The following C12orf76 variants were observed in gnomAD, a reference collection of about 807,000 sequenced individuals.
C12orf76 encodes the protein chromosome 12 open reading frame 76.
C12orf76 carries 6 observed loss-of-function variants against 6.8 expected under a neutral mutation model. That is an observed-to-expected ratio of 0.88 (90% CI 0.48 to 1.73). The LOEUF is 1.73. Ranked by LOEUF, C12orf76 falls within the 40% of genes most tolerant of loss-of-function variation. C12orf76 has a pLI of 0.01. For synonymous variants in C12orf76, 56 were observed against 43.7 expected (o/e 1.28, Z -1.11); for missense variants, 99 against 98.2 (o/e 1.01, Z -0.03).
At position 110,043,371 on chromosome 12, in the gene C12orf76, C is replaced by CG. The variant is rs1272553133; in HGVS notation, c.134-913dup. ...AAGGAATGACATCATCTGATTTAGT[C>CG]GGAAAAAAAAAAAAAGATTCCTCTG... On this transcript the variant is annotated intron_variant, in intron 1 of 1. Transcript: ENST00000615315. 5.2e-5 allele frequency among the ~76,000 whole-genome samples: 7 copies of CG among 133,944 alleles called. No homozygotes were observed. In the South Asian group the frequency reaches 9.1e-4, roughly 18 times the overall value. The allele number at this position is 133,944 out of a possible 152,430, so 87.9% of individuals were successfully genotyped here.
At chr12:110,061,540 T>TC (rs1429355281) in intron 2 of C12orf76, among the ~76,000 whole-genome samples, 1 of 151,816 alleles carries the variant, frequency 6.6e-6, no homozygotes, top group Non-Finnish European at 1.5e-5. Context: ...GCATACTTTT[T>TC]TTTTTTTTTT....
chr12:110,047,041 G>A (rs996082791), intron 1 of C12orf76, among the ~76,000 whole-genome samples: 5 of 152,120 alleles, frequency 3.3e-5, no homozygotes, highest in Admixed American at 6.6e-5. Flanking sequence ...ACAGTAAGTC[G>A]TCAACACATG....
chr12:110,057,022 G>A (rs1475841636), intron 4 of C12orf76: 6 of 616,042 alleles, frequency 9.7e-6, no homozygotes, highest in Non-Finnish European at 1.5e-5. Flanking sequence ...ATGAGGAGGA[G>A]CCCTGGAGTG....
intron 2 of C12orf76, among the ~76,000 whole-genome samples, chr12:110,060,202 T>C (rs1047184393): frequency 1.3e-5 from 2 of 152,120 alleles, no homozygotes; most frequent in Non-Finnish European, 2.9e-5. Flanking sequence ...CTCCAGCCTG[T>C]GCAACAAGAG....
chr12:110,069,130 C>CGGCA (rs1168767814), upstream of C12orf76, among the ~76,000 whole-genome samples: 1 of 152,144 alleles, frequency 6.6e-6, no homozygotes, highest in African/African-American at 2.4e-5. Context: ...CTTCTAAAGA[C>CGGCA]GGCACTTCAG....
chr12:110,057,081 G>A (rs890929843), intron 4 of C12orf76: 10 of 724,856 alleles, frequency 1.4e-5, no homozygotes, highest in African/African-American at 1.7e-5. Context: ...GAACCCTCAG[G>A]CTGCTTGTGC....
chr12:110,051,431 T>C, upstream of C12orf76: 1 of 602,218 alleles, frequency 1.7e-6, no homozygotes, highest in Non-Finnish European at 3.0e-6. Context: ...GCCCCCAATC[T>C]CATTTTTTTT....
chr12:110,043,697 CA>C (rs908138002), intron 1 of C12orf76, among the ~76,000 whole-genome samples: 33 of 151,340 alleles, frequency 2.2e-4, no homozygotes, highest in African/African-American at 7.8e-4. Context: ...ACTAAAAATA[CA>C]AAAAAAATTA....
chr12:110,065,747 A>T, intron 2 of C12orf76: 1 of 1,575,904 alleles, frequency 6.3e-7, no homozygotes, highest in Admixed American at 1.7e-5. Context: ...CATGAGTCAG[A>T]TGGTTTCACT....
chr12:110,061,083 C>CAAAA (rs34382276), intron 2 of C12orf76, among the ~76,000 whole-genome samples: 1 of 84,290 alleles, frequency 1.2e-5, no homozygotes, highest in Non-Finnish European at 2.5e-5. Context: ...GACTCTGACT[C>CAAAA]AAAAAAAAAA....
upstream of C12orf76, chr12:110,048,691 C>A: frequency 8.0e-7 from 1 of 1,243,616 alleles, no homozygotes; most frequent in East Asian, 3.2e-5. Flanking sequence ...TAATGTTTCC[C>A]CCGGACCAAC....
intron 2 of C12orf76, among the ~76,000 whole-genome samples, chr12:110,061,044 G>A (rs1892762654): frequency 1.4e-5 from 2 of 145,986 alleles, no homozygotes; most frequent in Non-Finnish European, 3.0e-5. Context: ...AGTAATTCAT[G>A]CAGAGCCAGC....
Position 110,054,724 on chromosome 12 carries a change from T to A in C12orf76, n.664+2465A>T, listed in dbSNP as rs1738282180. ...CTTCACCCCAATAAAAAAGTAAAAA[T>A]TATATTTTTTACATATGTAGACATA... On this transcript the variant is annotated intron_variant and non_coding_transcript_variant, in intron 4 of 4. Transcript: ENST00000309050. The surrounding 1 kb of genome is among the most constrained non-coding windows in gnomAD (Gnocchi z 4.4). Among the ~76,000 whole-genome samples, 1 of 152,260 alleles carries A rather than the reference T, an allele frequency of 6.6e-6. No homozygotes were observed. The highest frequency in any genetic ancestry group is 2.4e-5 in the African/African-American group (1 of 41,474).
intron 1 of C12orf76, 120 bp downstream of exon 1, chr12:110,048,243 C>G: frequency 1.6e-6 from 2 of 1,267,274 alleles, no homozygotes; most frequent in Non-Finnish European, 2.1e-6. Context: ...ACCTGCACCC[C>G]CCGCACTCAC....
At chr12:110,053,651 A>C (rs1892621191), upstream of C12orf76, among the ~76,000 whole-genome samples, 1 of 152,228 alleles carries the variant, frequency 6.6e-6, no homozygotes, top group Non-Finnish European at 1.5e-5. Flanking sequence ...ACTCTTATAT[A>C]TGTGCCCTAG....
upstream of C12orf76, among the ~76,000 whole-genome samples, chr12:110,052,546 G>A (rs1250589781): frequency 6.6e-6 from 1 of 152,130 alleles, no homozygotes; most frequent in Non-Finnish European, 1.5e-5. Flanking sequence ...TGCTCTACAT[G>A]CAACATCCCC....
upstream of C12orf76, among the ~76,000 whole-genome samples, chr12:110,070,457 T>C (rs566072657): frequency 1.6e-4 from 25 of 151,984 alleles, no homozygotes; most frequent in African/African-American, 5.8e-4. Context: ...TCCCAGCTAC[T>C]TGGGAGGATG....
At chr12:110,048,624 C>T (rs562806738), upstream of C12orf76, 17 of 1,306,860 alleles carry the variant, frequency 1.3e-5, no homozygotes, top group African/African-American at 1.8e-4. Flanking sequence ...ACTGTGCGTC[C>T]TGGTCTAAGT....
chr12:110,065,060 G>A (rs1566078978), intron 2 of C12orf76, among the ~76,000 whole-genome samples: 1 of 152,014 alleles, frequency 6.6e-6, no homozygotes, highest in Admixed American at 6.6e-5. Context: ...GAAGATAGAT[G>A]GTAGTAGGCG....
Sources: gnomAD v4.1 joint callset for allele counts (sites outside exome capture counted in the v4.1 genomes callset) on GRCh38, gnomAD v4.1.1 for gene constraint, Gnocchi (gnomAD v3.1) non-coding constraint, MANE v1.5 for transcripts, NCBI Gene and HGNC (gene_info 2026-07-23, HGNC 2026-07-21) for gene names.